Variants in SPNS2 observed in about 807,000 individuals in gnomAD.
SPNS2 encodes the protein SPNS lysolipid transporter 2, sphingosine-1-phosphate, also known as sphingosine-1-phosphate transporter SPNS2.
Under a neutral mutation model 57.6 loss-of-function variants are expected in SPNS2, and 37 were observed. That is an observed-to-expected ratio of 0.64 (90% confidence interval 0.49 to 0.85). The LOEUF (loss-of-function observed/expected upper bound fraction) is 0.85, where lower values mean the gene tolerates loss of function less well. Ranked by LOEUF, SPNS2 falls within the 40% of genes least tolerant of loss-of-function variation. SPNS2 has a pLI of 0.00. For missense variants in SPNS2, 831 were observed against 779.1 expected (o/e 1.07, Z -0.79); for synonymous variants, 440 against 346.9 (o/e 1.27, Z -2.98).
intron 1 of SPNS2, among the ~76,000 whole-genome samples, chr17:4,503,671 G>A (rs569054676): frequency 2.0e-5 from 3 of 152,316 alleles, no homozygotes; most frequent in African/African-American, 7.2e-5. Context: ...ACTTCTGTGG[G>A]GTACCTGTTC....
Position 4,536,949 on chromosome 17 carries a change from G to A in SPNS2, c.*4+3G>A, listed in dbSNP as rs758252965. 8.1e-6 allele frequency: 13 copies of A among 1,613,618 alleles called. No homozygotes were observed. The highest frequency in any genetic ancestry group is 6.6e-5 in the South Asian group (6 of 91,074). ...CGCATCTGTGAAAGTCTGAGGTGGTGAGTGCAGGCCGGGAGGCACGTGGGG... is the reference window on the plus strand; with the variant it reads ...CGCATCTGTGAAAGTCTGAGGTGGTAAGTGCAGGCCGGGAGGCACGTGGGG... On this transcript the variant is annotated splice_donor_region_variant and intron_variant, in intron 12 of 12. Coordinates refer to ENST00000329078, the MANE Select transcript of SPNS2 (RefSeq NM_001124758.3).
intron 2 of SPNS2, among the ~76,000 whole-genome samples, chr17:4,524,195 A>T (rs1343639103): frequency 1.3e-5 from 2 of 152,122 alleles, no homozygotes; most frequent in African/African-American, 4.8e-5. Flanking sequence ...CTTCTTTCAC[A>T]AGTAGAACAA....
At position 4,533,714 on chromosome 17, in the gene SPNS2, T is replaced by G. The variant is rs918348269; in HGVS notation, c.1279-74T>G. The stretch of plus-strand genomic sequence containing the variant: ...TTGTGGGCTCCCTGCCAGCAGCCAG[T>G]GTGTAGGGAACAGAGACTGTGGTTG... On this transcript the variant is annotated intron_variant, in intron 8 of 12. Transcript: ENST00000329078. 12 of 1,526,270 alleles carry G rather than the reference T, an allele frequency of 7.9e-6. No homozygotes were observed. In the Admixed American group the frequency reaches 8.4e-5, roughly 11 times the overall value. 94.5% of individuals were successfully genotyped at this position (1,526,270 alleles called of 1,614,324 possible).
intron 2 of SPNS2, among the ~76,000 whole-genome samples, chr17:4,517,429 G>A (rs1449805886): frequency 2.6e-5 from 4 of 152,152 alleles, no homozygotes; most frequent in East Asian, 1.9e-4. Flanking sequence ...AGGCTGAGGC[G>A]GGTGGATCAC....
rs956937127 is a variant in SPNS2 at position 4,537,989 on chromosome 17, G to A, written c.*541G>A. 7.9e-5 allele frequency: 28 copies of A among 354,412 alleles called. No homozygotes were observed. The highest frequency in any genetic ancestry group is 2.1e-4 in the African/African-American group (10 of 46,834). 22.0% of individuals were successfully genotyped at this position (354,412 alleles called of 1,614,324 possible). ...AGGGACCACTGCTCAGCTGGGCCTCGGACCTTGGGGATATTGGACGCAACC... is the reference window on the plus strand; with the variant it reads ...AGGGACCACTGCTCAGCTGGGCCTCAGACCTTGGGGATATTGGACGCAACC... On this transcript the variant is annotated 3_prime_UTR_variant, in exon 13 of 13. Coordinates refer to ENST00000329078, the MANE Select transcript of SPNS2 (RefSeq NM_001124758.3).
rs1567594712 is a variant in SPNS2 at position 4,531,158 on chromosome 17, TCCAGAC to T, written c.792+41_792+46del. On this transcript the variant is annotated intron_variant, in intron 5 of 12. Transcript: ENST00000329078. ...CCCTTCCCATGAGGACACCCTCCGG[TCCAGAC>T]CTCGCCCCAGGGTTGCCCAGAGATG... is the stretch of plus-strand genomic sequence containing the variant. 3 of 1,602,422 alleles carry T rather than the reference TCCAGAC, an allele frequency of 1.9e-6. No homozygotes were observed. In the South Asian group the frequency reaches 3.3e-5, roughly 18 times the overall value.
At chr17:4,503,578 G>C (rs552338046) in intron 1 of SPNS2, among the ~76,000 whole-genome samples, 48 of 152,364 alleles carry the variant, frequency 3.2e-4, no homozygotes, top group African/African-American at 8.9e-4. Flanking sequence ...TTTGCTCCTG[G>C]AACCAGGCCC....
chr17:4,537,017 GCACTTTTCCTC>G, intron 12 of SPNS2, 71 bp downstream of exon 12: 1 of 1,544,756 alleles, frequency 6.5e-7, no homozygotes, highest in Non-Finnish European at 8.8e-7. Flanking sequence ...GCAACAGGGA[GCACTTTTCCTC>G]CAGAGTCACC....
chr17:4,536,482 A>G (rs933380535), intron 11 of SPNS2, 56 bp downstream of exon 11: 16 of 1,546,100 alleles, frequency 1.0e-5, no homozygotes, highest in Non-Finnish European at 1.4e-5. Flanking sequence ...GGACCGTGAT[A>G]GCCACCGTGA....
Position 4,538,133 on chromosome 17 carries a change from T to C in SPNS2, c.*685T>C. ...TGGGGACTGTTCTGACAAGCTGGCA[T>C]CACCAGGGGTGAAGGCCCTGGCTGC... On this transcript the variant is annotated 3_prime_UTR_variant, in exon 13 of 13. Transcript: ENST00000329078. 1 of 295,672 alleles carries C rather than the reference T, an allele frequency of 3.4e-6. No homozygotes were observed. The highest frequency in any genetic ancestry group is 6.7e-6 in the Non-Finnish European group (1 of 149,226). 18.3% of individuals were successfully genotyped at this position (295,672 alleles called of 1,614,324 possible). A position where few individuals can be genotyped will look rare whatever the true frequency, so the allele number is the denominator to read the frequency against.
Position 4,533,422 on chromosome 17 carries a change from T to G in SPNS2, c.1268T>G (p.Val423Gly). Reference sequence around the variant, plus strand: ...TTCGTGGCTGCCAAGAGCAGCATCGTAGGAGCCTATGTGAGTGCAGCGGGG... The same window carrying G: ...TTCGTGGCTGCCAAGAGCAGCATCGGAGGAGCCTATGTGAGTGCAGCGGGG... The part of the protein sequence containing the change: ...LIFVAAKSSI[V>G]GAYICIFVGE... The change falls in exon 8 of 13, where the codon GTA becomes GGA. Residue 423 changes from valine (V) to glycine (G), a missense_variant. This residue lies in a region of SPNS2 where 526 missense variants were observed against 400.9 expected (regional missense o/e 1.31). Transcript: ENST00000329078. The G allele has an allele frequency of 1.2e-6, 2 of 1,603,758 alleles. No individual in the cohort carries two copies. Among genetic ancestry groups the G allele is most frequent in the Non-Finnish European group, 1.7e-6 (2 of 1,175,500 alleles).
rs547745512 is a variant in SPNS2 at position 4,516,086 on chromosome 17, G to A, written c.436+2774G>A. Among the ~76,000 whole-genome samples, 11 of 152,314 alleles carry A rather than the reference G, an allele frequency of 7.2e-5. 1 individual carries two copies. The South Asian group carries it at 2.3e-3, about 32-fold the overall frequency. ...CCCAGCACTTTGGGAGGCTGAGGCAGGTGGATCATCTGAGGTCAGGAGTTC... is the reference window on the plus strand; with the variant it reads ...CCCAGCACTTTGGGAGGCTGAGGCAAGTGGATCATCTGAGGTCAGGAGTTC... On this transcript the variant is annotated intron_variant, in intron 2 of 12. Coordinates refer to ENST00000329078, the MANE Select transcript of SPNS2 (RefSeq NM_001124758.3).
chr17:4,534,202 C>T (rs942146638), intron 9 of SPNS2, among the ~76,000 whole-genome samples: 3 of 152,216 alleles, frequency 2.0e-5, no homozygotes, highest in Admixed American at 6.5e-5. Flanking sequence ...TCCATAGGCT[C>T]TGCCCTCTCT....
Position 4,499,041 on chromosome 17 carries a change from G to A in SPNS2, c.-7G>A. The A allele has an allele frequency of 1.4e-5, 14 of 1,007,352 alleles. No homozygotes were observed. Among genetic ancestry groups the A allele is most frequent in the African/African-American group, 1.7e-5 (1 of 57,364 alleles). The allele number at this position is 1,007,352 out of a possible 1,614,324, so 62.4% of individuals were successfully genotyped here. A position where few individuals can be genotyped will look rare whatever the true frequency, so the allele number is the denominator to read the frequency against. The stretch of plus-strand genomic sequence containing the variant: ...CCGCGCCCCCCGCCGCCCCGATCCG[G>A]GCCGGCATGATGTGCCTGGAATGCG... On this transcript the variant is annotated 5_prime_UTR_variant, in exon 1 of 13. Coordinates refer to ENST00000329078, the MANE Select transcript of SPNS2 (RefSeq NM_001124758.3). This position sits in a 1 kb window ranked among gnomAD's most constrained non-coding sequence, Gnocchi z 5.2.
intron 1 of SPNS2, among the ~76,000 whole-genome samples, chr17:4,506,152 C>G (rs1311315109): frequency 1.3e-5 from 2 of 152,164 alleles, no homozygotes; most frequent in African/African-American, 2.4e-5. Context: ...CCAGCTCGGC[C>G]TGGCTCCTGC....
At chr17:4,524,380 T>C (rs1487916972) in intron 2 of SPNS2, among the ~76,000 whole-genome samples, 2 of 152,072 alleles carry the variant, frequency 1.3e-5, no homozygotes, top group African/African-American at 2.4e-5. Context: ...ATACATGAGA[T>C]ACAAAGATAC....
chr17:4,529,923 C>G, intron 3 of SPNS2, among the ~76,000 whole-genome samples: 1 of 152,066 alleles, frequency 6.6e-6, no homozygotes, highest in East Asian at 1.9e-4. Context: ...CGGGGGAGGG[C>G]TGGACGCGGG....
chr17:4,505,068 C>T (rs567687183), intron 1 of SPNS2, among the ~76,000 whole-genome samples: 2 of 152,168 alleles, frequency 1.3e-5, no homozygotes, highest in African/African-American at 4.8e-5. Context: ...TCCAGGATGC[C>T]GTCTCCAGTG....
At chr17:4,516,605 G>A (rs970337785) in intron 2 of SPNS2, among the ~76,000 whole-genome samples, 24 of 150,920 alleles carry the variant, frequency 1.6e-4, no homozygotes, top group African/African-American at 5.1e-4. Context: ...CGGTGGCCGC[G>A]GAGAACACTT....
Sources: allele counts gnomAD v4.1 joint callset (sites outside exome capture counted in the v4.1 genomes callset), GRCh38; gene constraint gnomAD v4.1.1; regional missense constraint gnomAD v4.1.1; non-coding constraint Gnocchi (gnomAD v3.1); transcripts MANE v1.5; gene names NCBI Gene and HGNC (gene_info 2026-07-23, HGNC 2026-07-21).